The following CDC5L variants were observed in gnomAD, a reference collection of about 807,000 sequenced individuals.
CDC5L encodes cell division cycle 5-like protein.
In CDC5L, 18 loss-of-function variants were observed where a neutral mutation model predicts 104.1. The observed-to-expected ratio is 0.17, with a 90% CI of 0.12 to 0.26. The LOEUF is 0.26. Ranked by LOEUF, CDC5L falls within the 10% of genes least tolerant of loss-of-function variation. CDC5L has a pLI of 1.00. For synonymous variants in CDC5L, 331 were observed against 322.7 expected, an observed-to-expected ratio of 1.03 and a Z score of -0.28; for missense variants, 673 against 956.9, an observed-to-expected ratio of 0.70 and a Z score of 3.91.
intron 14 of CDC5L, among the ~76,000 whole-genome samples, chr6:44,439,568 C>T (rs530304334): frequency 3.3e-5 from 5 of 152,314 alleles, no homozygotes; most frequent in African/African-American, 1.2e-4. Flanking sequence ...GCTGTTTTTC[C>T]TTGCTGTGTT....
intron 5 of CDC5L, among the ~76,000 whole-genome samples, chr6:44,399,810 C>T (rs1473965323): frequency 6.6e-6 from 1 of 152,072 alleles, no homozygotes; most frequent in Non-Finnish European, 1.5e-5. Flanking sequence ...CCCGCCACCA[C>T]ACCCGGCTAA....
At chr6:44,404,889 T>C (rs1791295941) in intron 6 of CDC5L, among the ~76,000 whole-genome samples, 2 of 151,994 alleles carry the variant, frequency 1.3e-5, no homozygotes, top group African/African-American at 4.8e-5. Flanking sequence ...AGGTGGGTCT[T>C]GCCATGTTAT....
intron 5 of CDC5L, among the ~76,000 whole-genome samples, chr6:44,403,304 G>GCTCTTTTTAC (rs1791215158): frequency 6.9e-6 from 1 of 145,854 alleles, no homozygotes; most frequent in Non-Finnish European, 1.5e-5. Context: ...GTTTCCTTTT[G>GCTCTTTTTAC]CTCTTTTTAC....
Position 44,445,809 on chromosome 6 carries a change from T to C in CDC5L, c.2246T>C (p.Leu749Ser). ...WDQIEQAHLE[L>S]RTFEELKKHE... ...CAAATTGAACAGGCTCACTTGGAGT[T>C]ACGCACTTTTGAAGAACTCAAGAAA... The change falls in exon 15 of 16, where the codon TTA (leucine) becomes TCA (serine). Residue 749 changes from leucine to serine, a missense_variant. Coordinates refer to ENST00000371477, the MANE Select transcript of CDC5L (RefSeq NM_001253.4). 6.2e-7 allele frequency: 1 copy of C among 1,614,078 alleles called. No homozygotes were observed. Among genetic ancestry groups the C allele is most frequent in the Non-Finnish European group, 8.5e-7 (1 of 1,179,954 alleles).
chr6:44,417,870 C>T (rs535724269), intron 8 of CDC5L, among the ~76,000 whole-genome samples: 1 of 152,252 alleles, frequency 6.6e-6, no homozygotes, highest in Admixed American at 6.5e-5. Context: ...AGACTAAAAC[C>T]CAGGCATTCA....
At chr6:44,411,633 A>AGTGTGTGTGT (rs780216018) in intron 8 of CDC5L, among the ~76,000 whole-genome samples, 1,164 of 58,034 alleles carry the variant, frequency 0.02, 8 homozygotes, top group African/African-American at 0.046. Flanking sequence ...AGAGAGAGAG[A>AGTGTGTGTGT]GAGAGTGTGT....
chr6:44,420,691 T>A (rs147267874), intron 9 of CDC5L, among the ~76,000 whole-genome samples: 1 of 152,194 alleles, frequency 6.6e-6, no homozygotes, highest in East Asian at 1.9e-4. Flanking sequence ...AACATGACAC[T>A]CAAAGGAAAC....
chr6:44,393,443 T>C lies in CDC5L; in HGVS notation c.312-3T>C, dbSNP rs1790713011. On this transcript the variant is annotated splice_polypyrimidine_tract_variant and splice_region_variant and intron_variant, in intron 3 of 15. Coordinates refer to ENST00000371477, the MANE Select transcript of CDC5L (RefSeq NM_001253.4). ...TGACTAACTCCTATGGGCTTTTTTCTAGGGATAAAGCTGCCCAAAGAGACA... is the reference window on the plus strand; with the variant it reads ...TGACTAACTCCTATGGGCTTTTTTCCAGGGATAAAGCTGCCCAAAGAGACA... The C allele has an allele frequency of 6.2e-7, 1 of 1,613,184 alleles. No homozygotes were observed. The highest frequency in any genetic ancestry group is 8.5e-7 in the Non-Finnish European group (1 of 1,179,546).
rs772481332 is a variant in CDC5L, at chr6:44,429,763, C to T, written c.1944C>T (p.Ser648=). 3.1e-6 allele frequency: 5 copies of T among 1,613,968 alleles called. No homozygotes were observed. The highest frequency in any genetic ancestry group is 3.4e-6 in the Non-Finnish European group (4 of 1,179,900). ...TGGAAGTGGTTAAACAAGGAATGAGCCATGGAGAGCTCTCAAGTGAAGCTT... is the reference window on the plus strand; with the variant it reads ...TGGAAGTGGTTAAACAAGGAATGAGTCATGGAGAGCTCTCAAGTGAAGCTT... ...QEMEVVKQGM[S]HGELSSEAYN... Residue 648 remains serine, a synonymous_variant, in exon 14 of 16, where the codon AGC becomes AGT. Coordinates refer to ENST00000371477, the MANE Select transcript of CDC5L (RefSeq NM_001253.4).
At chr6:44,432,015 T>C (rs1397479461) in intron 14 of CDC5L, among the ~76,000 whole-genome samples, 2 of 152,220 alleles carry the variant, frequency 1.3e-5, no homozygotes, top group African/African-American at 4.8e-5. Flanking sequence ...GAATACTTAA[T>C]CAAGTCCTTT....
At chr6:44,426,228 T>C (rs11572021) in intron 12 of CDC5L, 45 bp downstream of exon 12, 17,612 of 1,347,044 alleles carry the variant, frequency 0.013, 207 homozygotes, top group Middle Eastern at 0.046. Context: ...AGTTTCTTTT[T>C]ATATGATTGC....
chr6:44,406,948 AAC>A lies in CDC5L; in HGVS notation c.903+482_903+483del, dbSNP rs1168471542. Among the ~76,000 whole-genome samples, 149 of 152,226 alleles carry A rather than the reference AAC, an allele frequency of 9.8e-4. 8 individuals are homozygous for A. In the South Asian group the frequency reaches 0.03, roughly 31 times the overall value. Reference sequence around the variant, plus strand: ...AACAATAACAAAAAAAAACAAAAAAAACCCCACAAGTAATTGTGATATAGTAT... The same window carrying A: ...AACAATAACAAAAAAAAACAAAAAAACCCACAAGTAATTGTGATATAGTAT... On this transcript the variant is annotated intron_variant, in intron 7 of 15. Coordinates refer to ENST00000371477, the MANE Select transcript of CDC5L (RefSeq NM_001253.4).
intron 8 of CDC5L, among the ~76,000 whole-genome samples, chr6:44,411,349 T>C (rs1791613249): frequency 1.3e-5 from 2 of 152,078 alleles, no homozygotes. Context: ...TTGTTTTTGC[T>C]TAGGTTAGTC....
intron 2 of CDC5L, among the ~76,000 whole-genome samples, chr6:44,391,746 A>G (rs1248743932): frequency 1.3e-5 from 2 of 151,682 alleles, no homozygotes; most frequent in East Asian, 3.9e-4. Context: ...GGTGGCTCAC[A>G]TCTGTAAGCC....
chr6:44,412,474 G>A (rs1791690525), intron 8 of CDC5L, among the ~76,000 whole-genome samples: 1 of 151,696 alleles, frequency 6.6e-6, no homozygotes, highest in Non-Finnish European at 1.5e-5. Flanking sequence ...TGATCTGCCC[G>A]CCTTGGCCTC....
At position 44,396,326 on chromosome 6, in the gene CDC5L, T is replaced by A; in HGVS notation, c.440-15T>A. 6.3e-7 allele frequency: 1 copy of A among 1,585,796 alleles called. No homozygotes were observed. The highest frequency in any genetic ancestry group is 8.6e-7 in the Non-Finnish European group (1 of 1,160,502). ...CTAAGAAAATACTTAGTTTTTCTTC[T>A]TTTAATTTTTGCAGATGAACTTGAG... is the stretch of plus-strand genomic sequence containing the variant. On this transcript the variant is annotated splice_polypyrimidine_tract_variant and intron_variant, in intron 4 of 15. Transcript: ENST00000371477.
At chr6:44,430,889 A>G (rs1039052049) in intron 14 of CDC5L, among the ~76,000 whole-genome samples, 9 of 152,064 alleles carry the variant, frequency 5.9e-5, no homozygotes, top group Non-Finnish European at 1.3e-4. Flanking sequence ...TGCATTTTTA[A>G]TGGTAATCTT....
At chr6:44,415,645 G>T (rs1319884917) in intron 8 of CDC5L, among the ~76,000 whole-genome samples, 1 of 151,824 alleles carries the variant, frequency 6.6e-6, no homozygotes, top group Non-Finnish European at 1.5e-5. Context: ...GGAGGAAAAA[G>T]GGCACACCCT....
intron 14 of CDC5L, among the ~76,000 whole-genome samples, chr6:44,430,345 C>T (rs1171738672): frequency 2.7e-5 from 4 of 150,742 alleles, no homozygotes; most frequent in African/African-American, 9.8e-5. Context: ...CAATTCTGTT[C>T]ATCCTTGGAT....
Sources: gnomAD v4.1 joint callset for allele counts (sites outside exome capture counted in the v4.1 genomes callset) on GRCh38, gnomAD v4.1.1 for gene constraint, MANE v1.5 for transcripts, NCBI Gene and HGNC (gene_info 2026-07-23, HGNC 2026-07-21) for gene names.